The following PLEKHA3 variants were observed in gnomAD, a reference collection of about 807,000 sequenced individuals.
PLEKHA3 encodes the protein pleckstrin homology domain containing A3, also known as pleckstrin homology domain-containing family A member 3.
PLEKHA3 carries 19 observed loss-of-function variants against 39.2 expected under a neutral mutation model. The observed-to-expected ratio is 0.48, with a 90% CI of 0.34 to 0.71. The LOEUF (loss-of-function observed/expected upper bound fraction) is 0.71. PLEKHA3 is among the 30% of genes least tolerant of loss of function. The pLI is 0.01. For missense variants in PLEKHA3, 253 were observed against 359.5 expected (o/e 0.70, Z 2.40); for synonymous variants, 97 against 118.6 (o/e 0.82, Z 1.18).
chr2:178,491,807 T>C (rs1427894714), intron 3 of PLEKHA3, among the ~76,000 whole-genome samples: 1 of 152,106 alleles, frequency 6.6e-6, no homozygotes, highest in East Asian at 1.9e-4. Context: ...CAGCTGTATC[T>C]AGTTGGCTTC....
intron 3 of PLEKHA3, 94 bp downstream of exon 3, chr2:178,490,908 C>T: frequency 2.1e-6 from 2 of 965,022 alleles, no homozygotes; most frequent in Non-Finnish European, 2.9e-6. Flanking sequence ...GTATCTATCC[C>T]AAGGAAATAA....
intron 5 of PLEKHA3, among the ~76,000 whole-genome samples, chr2:178,497,323 T>C (rs573812829): frequency 1.9e-3 from 286 of 152,248 alleles, no homozygotes; most frequent in African/African-American, 6.4e-3. Flanking sequence ...CTCCGCCTCC[T>C]GGGTTCATGC....
chr2:178,496,151 G>C (rs1272546423), intron 5 of PLEKHA3, among the ~76,000 whole-genome samples: 1 of 152,190 alleles, frequency 6.6e-6, no homozygotes, highest in African/African-American at 2.4e-5. Flanking sequence ...GTTTCTTCAT[G>C]TGTAAAAATA....
Position 178,504,113 on chromosome 2 carries a change from C to CTTT in PLEKHA3, c.*234_*236dup. The CTTT allele has an allele frequency of 3.2e-6, 1 of 311,042 alleles. No homozygotes were observed. The allele number at this position is 311,042 out of a possible 1,614,324, so 19.3% of individuals were successfully genotyped here. A position where few individuals can be genotyped will look rare whatever the true frequency, so the allele number is the denominator to read the frequency against. On this transcript the variant is annotated 3_prime_UTR_variant, in exon 8 of 8. Coordinates refer to ENST00000234453, the MANE Select transcript of PLEKHA3 (RefSeq NM_019091.4). Reference sequence around the variant, plus strand: ...ATAACTTCACAGTATGAATGTGCATCTTTTTTTTTTGAACAAATGATGGTG... The same window carrying CTTT: ...ATAACTTCACAGTATGAATGTGCATCTTTTTTTTTTTTTGAACAAATGATGGTG...
intron 3 of PLEKHA3, among the ~76,000 whole-genome samples, 192 bp downstream of exon 3, chr2:178,491,006 C>CTTT: frequency 7.3e-6 from 1 of 137,340 alleles, no homozygotes; most frequent in African/African-American, 2.8e-5. Flanking sequence ...TAAACTCTTT[C>CTTT]TTTCTTTTTT....
chr2:178,503,251 T>A (rs1201008431), intron 7 of PLEKHA3, among the ~76,000 whole-genome samples: 1 of 151,958 alleles, frequency 6.6e-6, no homozygotes, highest in African/African-American at 2.4e-5. Context: ...CAGTATGAGG[T>A]ACCTTGTCAG....
chr2:178,512,330 G>A lies in PLEKHA3; in HGVS notation c.*8443G>A, dbSNP rs181930182. 75 of 152,266 alleles carry A rather than the reference G, an allele frequency of 4.9e-4. No individual in the cohort carries two copies. The highest frequency in any genetic ancestry group is 1.7e-3 in the African/African-American group (71 of 41,560). 9.4% of individuals were successfully genotyped at this position (152,266 alleles called of 1,614,324 possible). A position where few individuals can be genotyped will look rare whatever the true frequency, so the allele number is the denominator to read the frequency against. On this transcript the variant is annotated 3_prime_UTR_variant, in exon 8 of 8. Transcript: ENST00000234453. ...ATGTAAAGGGATATTAATGCATTAA[G>A]CAATTTTTTTTGACATAAATGAAGG...
intron 2 of PLEKHA3, among the ~76,000 whole-genome samples, chr2:178,489,777 A>G (rs1327749745): frequency 1.3e-5 from 2 of 152,148 alleles, no homozygotes; most frequent in Non-Finnish European, 2.9e-5. Context: ...TCCCGCTTTC[A>G]TCAAACCCTT....
chr2:178,511,868 A>G lies in PLEKHA3; in HGVS notation c.*7981A>G, dbSNP rs1685693479. Reference sequence around the variant, plus strand: ...ATGCTGCCTCTTCTCCAAATACAGTAACTAATCTAGTATATTTTCATAGGA... The same window carrying G: ...ATGCTGCCTCTTCTCCAAATACAGTGACTAATCTAGTATATTTTCATAGGA... On this transcript the variant is annotated 3_prime_UTR_variant, in exon 8 of 8. Transcript: ENST00000234453. 1 of 152,196 alleles carries G rather than the reference A, an allele frequency of 6.6e-6. No individual in the cohort carries two copies. The highest frequency in any genetic ancestry group is 2.1e-4 in the South Asian group (1 of 4,828). The allele number at this position is 152,196 out of a possible 1,614,324, so 9.4% of individuals were successfully genotyped here. A position where few individuals can be genotyped will look rare whatever the true frequency, so the allele number is the denominator to read the frequency against.
In PLEKHA3 at chr2:178,505,285, A is replaced by G. The variant is rs1189799608; in HGVS notation, c.*1398A>G. The G allele has an allele frequency of 6.6e-6, 1 of 151,924 alleles. No homozygotes were observed. Among genetic ancestry groups the G allele is most frequent in the African/African-American group, 2.4e-5 (1 of 41,422 alleles). The allele number at this position is 151,924 out of a possible 1,614,324, so 9.4% of individuals were successfully genotyped here. A position where few individuals can be genotyped will look rare whatever the true frequency, so the allele number is the denominator to read the frequency against. On this transcript the variant is annotated 3_prime_UTR_variant, in exon 8 of 8. Coordinates refer to ENST00000234453, the MANE Select transcript of PLEKHA3 (RefSeq NM_019091.4). The stretch of plus-strand genomic sequence containing the variant: ...TATGTGGGATATTTTAAAATAATTA[A>G]TATTTGGTATTTGTTTAAAAAACTG...
intron 2 of PLEKHA3, among the ~76,000 whole-genome samples, chr2:178,486,135 C>G (rs1685247640): frequency 6.6e-6 from 1 of 152,118 alleles, no homozygotes; most frequent in African/African-American, 2.4e-5. Context: ...ATGGGGCCAG[C>G]TCTGTAGGGT....
At chr2:178,494,572 T>C (rs1685409137) in intron 4 of PLEKHA3, among the ~76,000 whole-genome samples, 2 of 152,302 alleles carry the variant, frequency 1.3e-5, no homozygotes, top group East Asian at 1.9e-4. Context: ...AATCTTCCTA[T>C]TTCTTCTGTG....
chr2:178,483,564 T>C (rs1364284200), intron 1 of PLEKHA3, among the ~76,000 whole-genome samples: 1 of 152,222 alleles, frequency 6.6e-6, no homozygotes, highest in Non-Finnish European at 1.5e-5. Flanking sequence ...ATATTTGTTT[T>C]AAAGAGATAT....
intron 2 of PLEKHA3, among the ~76,000 whole-genome samples, chr2:178,487,926 T>C (rs1307445132): frequency 6.6e-6 from 1 of 152,230 alleles, no homozygotes; most frequent in Non-Finnish European, 1.5e-5. Context: ...GGTTTTTTAC[T>C]TGCATTTCTT....
chr2:178,490,995 A>G (rs1373163710), intron 3 of PLEKHA3, among the ~76,000 whole-genome samples, 181 bp downstream of exon 3: 1 of 150,962 alleles, frequency 6.6e-6, no homozygotes, highest in Non-Finnish European at 1.5e-5. Context: ...GAATGGCTCA[A>G]TAAACTCTTT....
At chr2:178,491,010 C>CTTTTTTTT (rs1204723389) in intron 3 of PLEKHA3, among the ~76,000 whole-genome samples, 196 bp downstream of exon 3, 6 of 129,520 alleles carry the variant, frequency 4.6e-5, no homozygotes, top group Non-Finnish European at 9.7e-5. Flanking sequence ...CTCTTTCTTT[C>CTTTTTTTT]TTTTTTTTTT....
intron 5 of PLEKHA3, among the ~76,000 whole-genome samples, chr2:178,496,689 G>A (rs1396957103): frequency 1.3e-5 from 2 of 151,938 alleles, no homozygotes; most frequent in African/African-American, 2.4e-5. Context: ...GGTTTGATGG[G>A]ACTTGTCACA....
intron 3 of PLEKHA3, among the ~76,000 whole-genome samples, chr2:178,492,081 T>C (rs1037512738): frequency 6.6e-6 from 1 of 152,148 alleles, no homozygotes; most frequent in African/African-American, 2.4e-5. Context: ...ATTCAAACCA[T>C]AGTACAGTTA....
At position 178,482,631 on chromosome 2, in the gene PLEKHA3, A is replaced by C. The variant is rs190767793; in HGVS notation, c.40+1722A>C. 2.6e-5 allele frequency among the ~76,000 whole-genome samples: 4 copies of C among 151,994 alleles called. No individual in the cohort carries two copies. The East Asian group carries it at 7.7e-4, about 29-fold the overall frequency. On this transcript the variant is annotated intron_variant, in intron 1 of 7. Coordinates refer to ENST00000234453, the MANE Select transcript of PLEKHA3 (RefSeq NM_019091.4). ...CATCTCATTGCAAGTGTTCCTAAGC[A>C]TGGTGTTGTGGAACCATTGGGCCAT...
Sources: allele counts gnomAD v4.1 joint callset (sites outside exome capture counted in the v4.1 genomes callset), GRCh38; gene constraint gnomAD v4.1.1; transcripts MANE v1.5; gene names NCBI Gene and HGNC (gene_info 2026-07-23, HGNC 2026-07-21).